The following CKAP5 variants were observed in gnomAD, a reference collection of about 807,000 sequenced individuals.
The protein encoded by CKAP5 is cytoskeleton associated protein 5.
A neutral mutation model predicts 232.8 loss-of-function variants in CKAP5; 27 were observed. The observed-to-expected ratio is 0.12, with a 90% CI of 0.09 to 0.16. The LOEUF (loss-of-function observed/expected upper bound fraction) is 0.16. Among genes scored for constraint, CKAP5 ranks in the 10% least tolerant of loss-of-function variants. CKAP5 has a pLI of 1.00. For missense variants in CKAP5, 1,838 were observed against 2,424.7 expected (o/e 0.76, Z 5.08); for synonymous variants, 785 against 841.1 (o/e 0.93, Z 1.16).
intron 26 of CKAP5, among the ~76,000 whole-genome samples, chr11:46,769,540 A>G (rs1314200405): frequency 6.6e-6 from 1 of 152,080 alleles, no homozygotes; most frequent in Non-Finnish European, 1.5e-5. Flanking sequence ...TATAAAAAGT[A>G]AAAAATTTAG....
intron 33 of CKAP5, among the ~76,000 whole-genome samples, chr11:46,759,920 C>T (rs1036672319): frequency 1.4e-4 from 21 of 152,172 alleles, no homozygotes; most frequent in African/African-American, 4.6e-4. Context: ...GACCACCAGT[C>T]ACCCCTTTTT....
intron 24 of CKAP5, among the ~76,000 whole-genome samples, chr11:46,771,556 A>C (rs2065248131): frequency 6.6e-6 from 1 of 152,204 alleles, no homozygotes; most frequent in African/African-American, 2.4e-5. Context: ...TGTATTTACC[A>C]GCAGTTTGTT....
At chr11:46,794,418 C>G (rs536277702) in intron 13 of CKAP5, among the ~76,000 whole-genome samples, 111 of 152,334 alleles carry the variant, frequency 7.3e-4, no homozygotes, top group African/African-American at 2.6e-3. Flanking sequence ...TGCCATTGCA[C>G]TCCAGCCTGG....
At chr11:46,802,049 G>A (rs560741792) in intron 8 of CKAP5, 4 of 152,354 alleles carry the variant, frequency 2.6e-5, no homozygotes, top group African/African-American at 9.6e-5. Context: ...AACGGCTGCA[G>A]GTACCTTCAG....
chr11:46,763,278 AAAATGAC>A, intron 29 of CKAP5, 99 bp from the exon 30 acceptor site: 1 of 1,121,610 alleles, frequency 8.9e-7, no homozygotes, highest in Non-Finnish European at 1.3e-6. Context: ...GCCCAAAAAG[AAAATGAC>A]AGATTTTTAA....
chr11:46,789,127 G>A (rs1450317666), intron 15 of CKAP5, among the ~76,000 whole-genome samples: 1 of 152,110 alleles, frequency 6.6e-6, no homozygotes, highest in Non-Finnish European at 1.5e-5. Context: ...TCTCTTCCTT[G>A]ATTTTCCTAA....
chr11:46,835,583 T>C (rs938246087), intron 1 of CKAP5, among the ~76,000 whole-genome samples: 1 of 151,704 alleles, frequency 6.6e-6, no homozygotes, highest in Non-Finnish European at 1.5e-5. Context: ...CGGAAAAAAA[T>C]AGATTATAAA....
At chr11:46,837,491 A>G (rs1939943282) in intron 1 of CKAP5, among the ~76,000 whole-genome samples, 1 of 152,208 alleles carries the variant, frequency 6.6e-6, no homozygotes, top group South Asian at 2.1e-4. Flanking sequence ...AAAAGAAATG[A>G]CACCCCAGTA....
At position 46,743,909 on chromosome 11, in the gene CKAP5, G is replaced by A. The variant is rs2065003276; in HGVS notation, c.*114C>T. 6 of 1,325,364 alleles carry A rather than the reference G, an allele frequency of 4.5e-6. No individual in the cohort carries two copies. In the South Asian group the frequency reaches 6.5e-5, roughly 14 times the overall value. 82.1% of individuals were successfully genotyped at this position (1,325,364 alleles called of 1,614,324 possible). ...AATGACTCCTCCCCCTAGCTCCACG[G>A]CATGATACATACAACCAGTTTGTAT... On this transcript the variant is annotated 3_prime_UTR_variant, in exon 44 of 44. Transcript: ENST00000529230.
At chr11:46,840,048 C>A (rs1429273805) in intron 1 of CKAP5, among the ~76,000 whole-genome samples, 1 of 151,974 alleles carries the variant, frequency 6.6e-6, no homozygotes, top group African/African-American at 2.4e-5. Context: ...ACAGATTGAG[C>A]CCAGGAGGTT....
chr11:46,772,278 G>T (rs1363298430), intron 24 of CKAP5, among the ~76,000 whole-genome samples: 1 of 151,166 alleles, frequency 6.6e-6, no homozygotes, highest in African/African-American at 2.4e-5. Context: ...TTTTCATGTG[G>T]TTTTTTTTGC....
rs747261769 is a variant in CKAP5, at chr11:46,796,880, A to G, written c.1399T>C (p.Leu467=). 2 of 1,614,080 alleles carry G rather than the reference A, an allele frequency of 1.2e-6. No homozygotes were observed. Among genetic ancestry groups the G allele is most frequent in the Non-Finnish European group, 1.7e-6 (2 of 1,179,966 alleles). The change falls in exon 12 of 44, where the codon TTG becomes CTG. Residue 467 remains leucine, a synonymous_variant. Transcript: ENST00000529230. ...DAAFEALGTA[L]KVVGEKAVNP... ...ACTGCTTTCTCGCCAACCACCTTCA[A>G]AGCAGTACCCAATGCTTCAAATGCG...
chr11:46,795,646 T>C lies in CKAP5; in HGVS notation c.1598A>G (p.Lys533Arg), dbSNP rs1315616286. The change falls in exon 13 of 44, where the codon AAG becomes AGG. Residue 533 changes from lysine (K) to arginine (R), a missense_variant. Lys to Arg is a conservative substitution (Grantham distance 26). Coordinates refer to ENST00000529230, the MANE Select transcript of CKAP5 (RefSeq NM_001008938.4). ...ASGAAGDKDT[K>R]DISAPKPGPL... Reference sequence around the variant, plus strand: ...TCCTGGTTTGGGTGCAGAAATGTCCTTTGTGTCCTTATCTCCTGCAGCCCC... The same window carrying C: ...TCCTGGTTTGGGTGCAGAAATGTCCCTTGTGTCCTTATCTCCTGCAGCCCC... The C allele has an allele frequency of 6.2e-7, 1 of 1,614,114 alleles. No individual in the cohort carries two copies. The highest frequency in any genetic ancestry group is 1.7e-5 in the Admixed American group (1 of 60,018).
chr11:46,842,573 T>C (rs1007221400), intron 1 of CKAP5, among the ~76,000 whole-genome samples: 5 of 152,254 alleles, frequency 3.3e-5, no homozygotes, highest in Admixed American at 6.5e-5. Flanking sequence ...TTTCCTCTCG[T>C]GGGTCTTACA....
At chr11:46,825,594 A>G (rs1217192802) in intron 1 of CKAP5, among the ~76,000 whole-genome samples, 1 of 152,140 alleles carries the variant, frequency 6.6e-6, no homozygotes, top group Non-Finnish European at 1.5e-5. Flanking sequence ...ATCACAATAC[A>G]AGAGATCTGA....
Position 46,752,552 on chromosome 11 carries a change from T to G in CKAP5, c.5133+83A>C, listed in dbSNP as rs1194663853. 3.9e-6 allele frequency: 4 copies of G among 1,023,806 alleles called. No homozygotes were observed. In the African/African-American group the frequency reaches 6.5e-5, roughly 17 times the overall value. The allele number at this position is 1,023,806 out of a possible 1,614,324, so 63.4% of individuals were successfully genotyped here. ...GGTTGATTTGAGCCTATGTCTTTCT[T>G]AGCTCCAATTCCTCTTTCCCCATAC... is the stretch of plus-strand genomic sequence containing the variant. On this transcript the variant is annotated intron_variant, in intron 38 of 43. Transcript: ENST00000529230.
chr11:46,827,839 G>T (rs1275569689), intron 1 of CKAP5, among the ~76,000 whole-genome samples: 1 of 152,174 alleles, frequency 6.6e-6, no homozygotes, highest in Admixed American at 6.5e-5. Flanking sequence ...TTAAGTCCTA[G>T]TCTCTGAGAT....
chr11:46,799,702 T>C (rs886966188), intron 9 of CKAP5, among the ~76,000 whole-genome samples: 20 of 152,156 alleles, frequency 1.3e-4, no homozygotes, highest in Admixed American at 3.3e-4. Context: ...ATTTGGTAAA[T>C]TAAAATGAAT....
At chr11:46,833,728 C>G (rs563153968) in intron 1 of CKAP5, among the ~76,000 whole-genome samples, 1 of 151,476 alleles carries the variant, frequency 6.6e-6, no homozygotes, top group African/African-American at 2.4e-5. Context: ...CCGCCCGCCT[C>G]GTCCTCCCAA....
Sources: gnomAD v4.1 joint callset for allele counts (sites outside exome capture counted in the v4.1 genomes callset) on GRCh38, gnomAD v4.1.1 for gene constraint, MANE v1.5 for transcripts, NCBI Gene and HGNC (gene_info 2026-07-23, HGNC 2026-07-21) for gene names.